The following PSMA7 variants were observed in gnomAD, a reference collection of about 807,000 sequenced individuals.
The protein encoded by PSMA7 is proteasome subunit alpha type-7.
Under a neutral mutation model 31.3 loss-of-function variants are expected in PSMA7, and 5 were observed. That is an observed-to-expected ratio of 0.16 (90% CI 0.08 to 0.34). The LOEUF is 0.34. Ranked by LOEUF, PSMA7 falls within the 10% of genes least tolerant of loss-of-function variation. The pLI, the probability that PSMA7 is intolerant of heterozygous loss-of-function variation, is 1.00. For synonymous variants in PSMA7, 155 were observed against 121.9 expected (o/e 1.27, Z -1.79); for missense variants, 217 against 327.5 (o/e 0.66, Z 2.60).
intron 2 of PSMA7, 117 bp from the exon 3 acceptor site, chr20:62,140,022 A>G: frequency 7.5e-7 from 1 of 1,341,222 alleles, no homozygotes; most frequent in Non-Finnish European, 1.0e-6. Context: ...CAGCAAGGCT[A>G]TTCTAACTGA....
chr20:62,137,371 G>A lies in PSMA7; in HGVS notation c.647C>T (p.Ser216Phe), dbSNP rs1183047484. 3 of 1,614,078 alleles carry A rather than the reference G, an allele frequency of 1.9e-6. 1 individual carries two copies. Among genetic ancestry groups the A allele is most frequent in the Admixed American group, 3.3e-5 (2 of 60,022 alleles). The change falls in exon 6 of 7, where the codon TCC (serine) becomes TTC (phenylalanine). Residue 216 changes from serine (S) to phenylalanine (F), a missense_variant. Ser to Phe is a radical substitution (Grantham distance 155). This residue lies in a region of PSMA7 where 88 missense variants were observed against 111.6 expected (regional missense o/e 0.79). Coordinates refer to ENST00000370873, the MANE Select transcript of PSMA7 (RefSeq NM_002792.4). The part of the protein sequence containing the change: ...IELAVMRRDQ[S>F]LKILNPEEIE... Reference sequence around the variant, plus strand: ...GACAAACTTGGTGATTACCTTGAGGGATTGATCTCGCCTCATGACAGCAAG... The same window carrying A: ...GACAAACTTGGTGATTACCTTGAGGAATTGATCTCGCCTCATGACAGCAAG...
chr20:62,139,384 AC>A, intron 3 of PSMA7, 187 bp from the exon 4 acceptor site: 1 of 791,696 alleles, frequency 1.3e-6, no homozygotes, highest in East Asian at 2.7e-5. Context: ...TCCTAGAAAA[AC>A]TCACCTAGGA....
chr20:62,136,980 C>T (rs748695394), intron 6 of PSMA7, 31 bp from the exon 7 acceptor site: 2 of 1,592,218 alleles, frequency 1.3e-6, no homozygotes, highest in African/African-American at 2.7e-5. Flanking sequence ...GTTACCTAAG[C>T]CACACAAGGT....
chr20:62,138,071 G>T, intron 5 of PSMA7, 100 bp downstream of exon 5: 2 of 1,517,334 alleles, frequency 1.3e-6, no homozygotes, highest in Non-Finnish European at 1.8e-6. Context: ...AAGCATTACT[G>T]CTGGATCCTT....
rs746756000 is a variant in PSMA7 at position 62,143,337 on chromosome 20, G to A, written c.-34C>T. On this transcript the variant is annotated 5_prime_UTR_variant, in exon 1 of 7. Transcript: ENST00000370873. ...GCGGCGGCCGGGCTCCTTCCGCCGC[G>A]ACTCTCAAAAGCGCACACTCACGGC... 3.8e-6 allele frequency: 5 copies of A among 1,329,364 alleles called. No individual in the cohort carries two copies. The highest frequency in any genetic ancestry group is 2.6e-5 in the Admixed American group (1 of 38,018). The allele number at this position is 1,329,364 out of a possible 1,614,324, so 82.3% of individuals were successfully genotyped here.
chr20:62,139,574 AT>A, intron 3 of PSMA7: 2 of 833,090 alleles, frequency 2.4e-6, no homozygotes, highest in Non-Finnish European at 3.8e-6. Context: ...GGAATTTGGA[AT>A]ATCCCATGCC....
In PSMA7 at chr20:62,139,912, G is replaced by A. The variant is rs201431062; in HGVS notation, c.224-7C>T. ...CTTGCATCGGCGGTGAGGCCTGCAA[G>A]GAAAGCAGAGAGGCTTCTGCTAGAG... On this transcript the variant is annotated splice_polypyrimidine_tract_variant and splice_region_variant and intron_variant, in intron 2 of 6. Transcript: ENST00000370873. The A allele has an allele frequency of 1.9e-4, 303 of 1,612,668 alleles. No homozygotes were observed. The highest frequency in any genetic ancestry group is 2.4e-4 in the Non-Finnish European group (280 of 1,179,694).
chr20:62,140,782 C>CT lies in PSMA7; in HGVS notation c.223+35dup, dbSNP rs1277113605. ...CAAAGCCCTATTCTTCGCTGAGACTCTAGAGAGTAAGACAGCGCTCCCCAC... is the reference window on the plus strand; with the variant it reads ...CAAAGCCCTATTCTTCGCTGAGACTCTTAGAGAGTAAGACAGCGCTCCCCAC... On this transcript the variant is annotated intron_variant, in intron 2 of 6. Transcript: ENST00000370873. 3 of 1,611,238 alleles carry CT rather than the reference C, an allele frequency of 1.9e-6. No individual in the cohort carries two copies. The Admixed American group carries it at 5.0e-5, about 27-fold the overall frequency.
intron 2 of PSMA7, among the ~76,000 whole-genome samples, chr20:62,140,475 G>T (rs2056921245): frequency 6.6e-6 from 1 of 152,206 alleles, no homozygotes; most frequent in Non-Finnish European, 1.5e-5. Context: ...GGGATGGCAG[G>T]ACGTGGTTCT....
At chr20:62,141,006 T>G in intron 1 of PSMA7, 62 bp from the exon 2 acceptor site, 1 of 1,594,358 alleles carries the variant, frequency 6.3e-7, no homozygotes, top group Non-Finnish European at 8.6e-7. Flanking sequence ...CAGTGGCTCA[T>G]GCCTGTTAAT....
chr20:62,142,798 C>A (rs549085261), intron 1 of PSMA7, among the ~76,000 whole-genome samples: 1 of 152,182 alleles, frequency 6.6e-6, no homozygotes, highest in Admixed American at 6.5e-5. Context: ...GTGAACAGCC[C>A]CCCAGCGAGC....
At chr20:62,142,131 G>C (rs1217978789) in intron 1 of PSMA7, among the ~76,000 whole-genome samples, 3 of 152,218 alleles carry the variant, frequency 2.0e-5, no homozygotes, top group Non-Finnish European at 4.4e-5. Flanking sequence ...CCCTGGCTGA[G>C]AAGTATTGAT....
At chr20:62,142,212 C>CAG (rs2056934473) in intron 1 of PSMA7, among the ~76,000 whole-genome samples, 1 of 152,096 alleles carries the variant, frequency 6.6e-6, no homozygotes. Flanking sequence ...ACTCGAGGCC[C>CAG]AGAGAAGCTA....
At chr20:62,139,643 G>A in intron 3 of PSMA7, 138 bp downstream of exon 3, 1 of 1,416,712 alleles carries the variant, frequency 7.1e-7, no homozygotes, top group Non-Finnish European at 9.9e-7. Context: ...AGTTACACTT[G>A]TGCAAGTCAA....
rs1473486374 is a variant in PSMA7, at chr20:62,138,106, C to T, written c.591+65G>A. Reference sequence around the variant, plus strand: ...TGCCACCTTCCTTCCTGCTCATCTACCTACCACTCACCACCAAAACGTGGT... The same window carrying T: ...TGCCACCTTCCTTCCTGCTCATCTATCTACCACTCACCACCAAAACGTGGT... On this transcript the variant is annotated intron_variant, in intron 5 of 6. Coordinates refer to ENST00000370873, the MANE Select transcript of PSMA7 (RefSeq NM_002792.4). 44 of 1,609,036 alleles carry T rather than the reference C, an allele frequency of 2.7e-5. No individual in the cohort carries two copies. The Admixed American group carries it at 5.5e-4, about 20-fold the overall frequency.
chr20:62,139,799 G>A lies in PSMA7; in HGVS notation c.330C>T (p.Tyr110=), dbSNP rs766954698. ...CACCCACCTGCTTCAGACTGGCGAT[G>A]TAGCGGGTGATGTACTCCACAGTGA... ...DPVTVEYITR[Y]IASLKQRYTQ... Residue 110 remains tyrosine, a synonymous_variant, in exon 3 of 7, where the codon TAC becomes TAT. Transcript: ENST00000370873. The A allele has an allele frequency of 1.2e-5, 20 of 1,614,102 alleles. No individual in the cohort carries two copies. The highest frequency in any genetic ancestry group is 1.6e-5 in the Non-Finnish European group (19 of 1,180,044).
chr20:62,141,819 A>C (rs1319576409), intron 1 of PSMA7, among the ~76,000 whole-genome samples: 1 of 152,268 alleles, frequency 6.6e-6, no homozygotes, highest in Non-Finnish European at 1.5e-5. Flanking sequence ...ATGCTGGAGA[A>C]GGATATGGCT....
Position 62,139,263 on chromosome 20 carries a change from C to T in PSMA7, c.349-66G>A, listed in dbSNP as rs753025618. On this transcript the variant is annotated intron_variant, in intron 3 of 6. Coordinates refer to ENST00000370873, the MANE Select transcript of PSMA7 (RefSeq NM_002792.4). The stretch of plus-strand genomic sequence containing the variant: ...AACTGCATGTGAGGAAAGAACCGTA[C>T]TTAGTGAAGATACGAACATTTTAAA... The T allele has an allele frequency of 7.0e-5, 109 of 1,567,462 alleles. No homozygotes were observed. The African/African-American group carries it at 1.3e-3, about 19-fold the overall frequency.
chr20:62,139,954 A>G (rs1260923830), intron 2 of PSMA7, 49 bp from the exon 3 acceptor site: 1 of 1,598,232 alleles, frequency 6.3e-7, no homozygotes, highest in African/African-American at 1.3e-5. Context: ...CACAAACTAC[A>G]GGGTGGGGAC....
Sources: allele counts gnomAD v4.1 joint callset (sites outside exome capture counted in the v4.1 genomes callset), GRCh38; gene constraint gnomAD v4.1.1; regional missense constraint gnomAD v4.1.1; transcripts MANE v1.5; gene names NCBI Gene and HGNC (gene_info 2026-07-23, HGNC 2026-07-21).